Variants in ARHGAP15 observed in about 807,000 individuals in gnomAD.
The protein encoded by ARHGAP15 is Rho GTPase activating protein 15, also known as rho GTPase-activating protein 15.
In ARHGAP15, 51 loss-of-function variants were observed where a neutral mutation model predicts 63.7. The ratio of observed to expected loss-of-function variants is 0.80; its 90% confidence interval spans 0.64 to 1.01. ARHGAP15 has a LOEUF of 1.01. ARHGAP15 is among the 50% of genes least tolerant of loss of function. The pLI is 0.00. For missense variants in ARHGAP15, 560 were observed against 564.6 expected, an observed-to-expected ratio of 0.99 and a Z score of 0.08; for synonymous variants, 191 against 193.8, an observed-to-expected ratio of 0.99 and a Z score of 0.12.
intron 10 of ARHGAP15, among the ~76,000 whole-genome samples, chr2:143,522,611 T>C (rs1165079515): frequency 6.6e-6 from 1 of 152,128 alleles, no homozygotes; most frequent in Non-Finnish European, 1.5e-5. Context: ...ATCTAATCTT[T>C]TGGCTTCCTT....
At chr2:143,257,602 G>A (rs751422295) in intron 6 of ARHGAP15, among the ~76,000 whole-genome samples, 1 of 152,110 alleles carries the variant, frequency 6.6e-6, no homozygotes, top group Non-Finnish European at 1.5e-5. Context: ...ATCATATTGT[G>A]AATCCCTTCC....
intron 8 of ARHGAP15, among the ~76,000 whole-genome samples, chr2:143,445,975 A>G (rs1188144798): frequency 6.6e-6 from 1 of 151,944 alleles, no homozygotes; most frequent in African/African-American, 2.4e-5. Flanking sequence ...AAAGTTATCA[A>G]AGTGTTAGCC....
rs150694178 is a variant in ARHGAP15, at chr2:143,443,353, C to T, written c.703+6311C>T. On this transcript the variant is annotated intron_variant, in intron 8 of 13. Transcript: ENST00000295095. Reference sequence around the variant, plus strand: ...TCCTGGAAAAACAAAAAAGTCGTGACATTTTTGTAGAATATCATGGGTTAT... The same window carrying T: ...TCCTGGAAAAACAAAAAAGTCGTGATATTTTTGTAGAATATCATGGGTTAT... Among the ~76,000 whole-genome samples, 342 of 151,660 alleles carry T rather than the reference C, an allele frequency of 2.3e-3. 1 individual carries two copies. Among genetic ancestry groups the T allele is most frequent in the Non-Finnish European group, 3.7e-3 (252 of 67,918 alleles).
chr2:143,238,824 A>G (rs1340825223), intron 5 of ARHGAP15, among the ~76,000 whole-genome samples: 1 of 152,238 alleles, frequency 6.6e-6, no homozygotes, highest in Non-Finnish European at 1.5e-5. Flanking sequence ...CTGGATAAAG[A>G]AAATGTGGTA....
chr2:143,218,727 A>G (rs1348857967), intron 4 of ARHGAP15, among the ~76,000 whole-genome samples: 2 of 152,202 alleles, frequency 1.3e-5, no homozygotes, highest in East Asian at 3.9e-4. Context: ...TGATTTAATC[A>G]TCATGTGAGC....
At chr2:143,357,694 G>C (rs569747780) in intron 6 of ARHGAP15, among the ~76,000 whole-genome samples, 3 of 152,088 alleles carry the variant, frequency 2.0e-5, no homozygotes, top group African/African-American at 7.2e-5. Context: ...ATTAAGTTGA[G>C]TATAGTAAAA....
At chr2:143,342,030 T>C (rs1312836073) in intron 6 of ARHGAP15, among the ~76,000 whole-genome samples, 1 of 152,166 alleles carries the variant, frequency 6.6e-6, no homozygotes, top group Non-Finnish European at 1.5e-5. Flanking sequence ...TTCTTCACAA[T>C]GCCCATGCAT....
In ARHGAP15 at chr2:143,466,761, C is replaced by T. The variant is rs1691230997; in HGVS notation, c.704-20612C>T. Among the ~76,000 whole-genome samples the T allele has an allele frequency of 2.0e-5, 3 of 152,204 alleles. No individual in the cohort carries two copies. In the South Asian group the frequency reaches 6.2e-4, roughly 32 times the overall value. ...GAAGTTTCTTTGTAAAACTCTTATT[C>T]TGTGATGCCAGATGGTTGATGCCAC... On this transcript the variant is annotated intron_variant, in intron 8 of 13. Transcript: ENST00000295095.
intron 13 of ARHGAP15, among the ~76,000 whole-genome samples, chr2:143,721,041 G>A (rs997971642): frequency 1.2e-4 from 15 of 121,570 alleles, no homozygotes; most frequent in Admixed American, 7.4e-4. Context: ...CAGCCTGGGC[G>A]ACAGAGCAAG....
At chr2:143,304,389 G>T (rs901817061) in intron 6 of ARHGAP15, among the ~76,000 whole-genome samples, 2 of 151,974 alleles carry the variant, frequency 1.3e-5, no homozygotes, top group Non-Finnish European at 2.9e-5. Context: ...TCACACATAG[G>T]TGGGAATTGA....
chr2:143,179,646 G>A (rs1281488108), intron 2 of ARHGAP15, among the ~76,000 whole-genome samples: 1 of 152,150 alleles, frequency 6.6e-6, no homozygotes, highest in Non-Finnish European at 1.5e-5. Context: ...CCAACACTTT[G>A]GGAGACTGAA....
intron 3 of ARHGAP15, among the ~76,000 whole-genome samples, chr2:143,210,310 A>G (rs567502579): frequency 6.6e-6 from 1 of 152,216 alleles, no homozygotes; most frequent in African/African-American, 2.4e-5. Flanking sequence ...CTGTTTCCCA[A>G]ACAGAACCTG....
At chr2:143,353,973 C>T (rs1339694036) in intron 6 of ARHGAP15, among the ~76,000 whole-genome samples, 1 of 151,614 alleles carries the variant, frequency 6.6e-6, no homozygotes, top group Admixed American at 6.6e-5. Flanking sequence ...GTCTACAGAG[C>T]AATTTTACCT....
chr2:143,556,435 T>C lies in ARHGAP15; in HGVS notation c.953T>C (p.Val318Ala). 6.2e-7 allele frequency: 1 copy of C among 1,612,496 alleles called. No homozygotes were observed. The highest frequency in any genetic ancestry group is 8.5e-7 in the Non-Finnish European group (1 of 1,178,966). ...CTAGATGTTGATGGAATATATCGAG[T>C]TAGTGGCAATCTGGCAACAATACAG... ...RGLDVDGIYR[V>A]SGNLATIQKL... The change falls in exon 11 of 14, where the codon GTT (valine) becomes GCT (alanine). Residue 318 changes from valine to alanine, a missense_variant. Physicochemically the swap from Val to Ala is moderately conservative, Grantham distance 64. Coordinates refer to ENST00000295095, the MANE Select transcript of ARHGAP15 (RefSeq NM_018460.4).
At chr2:143,381,245 A>T (rs1687041522) in intron 6 of ARHGAP15, among the ~76,000 whole-genome samples, 1 of 152,080 alleles carries the variant, frequency 6.6e-6, no homozygotes, top group Non-Finnish European at 1.5e-5. Context: ...TGCACTTCAG[A>T]TTTATATTCT....
intron 6 of ARHGAP15, among the ~76,000 whole-genome samples, chr2:143,299,466 A>G (rs1210035420): frequency 6.6e-6 from 1 of 152,024 alleles, no homozygotes; most frequent in Non-Finnish European, 1.5e-5. Flanking sequence ...CATTATAAAC[A>G]TATATTACAT....
chr2:143,150,153 T>A (rs1689760483), intron 1 of ARHGAP15, among the ~76,000 whole-genome samples: 1 of 151,992 alleles, frequency 6.6e-6, no homozygotes. Flanking sequence ...CTCAGCAGCA[T>A]AAAGATTATA....
At chr2:143,659,416 A>T (rs10928193) in intron 12 of ARHGAP15, among the ~76,000 whole-genome samples, 31,070 of 151,822 alleles carry the variant, frequency 0.2, 3,803 homozygotes, top group East Asian at 0.57. Flanking sequence ...AAATTTTTTT[A>T]AAAAAAATTC....
At chr2:143,591,724 A>T (rs1697329912) in intron 11 of ARHGAP15, among the ~76,000 whole-genome samples, 1 of 150,722 alleles carries the variant, frequency 6.6e-6, no homozygotes. Flanking sequence ...GGTTCAAGCG[A>T]TTCTCCTGCC....
Sources: gnomAD v4.1 joint callset for allele counts (sites outside exome capture counted in the v4.1 genomes callset) on GRCh38, gnomAD v4.1.1 for gene constraint, MANE v1.5 for transcripts, NCBI Gene and HGNC (gene_info 2026-07-23, HGNC 2026-07-21) for gene names.